Variants in PRKAA2 observed in about 807,000 individuals in gnomAD.
PRKAA2 encodes protein kinase AMP-activated catalytic subunit alpha 2.
PRKAA2 carries 40 observed loss-of-function variants against 56.3 expected under a neutral mutation model. The ratio of observed to expected loss-of-function variants is 0.71; its 90% CI spans 0.55 to 0.92. PRKAA2 has a LOEUF of 0.92. Among genes scored for constraint, PRKAA2 ranks in the 40% least tolerant of loss-of-function variants. The pLI, the probability that PRKAA2 is intolerant of heterozygous loss-of-function variation, is 0.00. For synonymous variants in PRKAA2, 214 were observed against 234.2 expected (o/e 0.91, Z 0.79); for missense variants, 542 against 686.9 (o/e 0.79, Z 2.36).
intron 6 of PRKAA2, among the ~76,000 whole-genome samples, chr1:56,696,422 C>T (rs1644259446): frequency 6.6e-6 from 1 of 152,158 alleles, no homozygotes; most frequent in African/African-American, 2.4e-5. Flanking sequence ...CATTAAAGTT[C>T]ATGCCACCCC....
rs550444662 is a variant in PRKAA2 at position 56,681,362 on chromosome 1, T to G, written c.236+6840T>G. ...CTGTGCAGAAGCTCTTTAGTTTAAT[T>G]AGATCCCATTTGTCAATTTTGGCTT... On this transcript the variant is annotated intron_variant, in intron 2 of 8. Coordinates refer to ENST00000371244, the MANE Select transcript of PRKAA2 (RefSeq NM_006252.4). Among the ~76,000 whole-genome samples the G allele has an allele frequency of 1.1e-3, 166 of 152,320 alleles. 1 individual carries two copies. The highest frequency in any genetic ancestry group is 3.6e-3 in the African/African-American group (151 of 41,578).
chr1:56,673,569 C>A (rs532871553), intron 1 of PRKAA2, among the ~76,000 whole-genome samples: 30 of 152,214 alleles, frequency 2.0e-4, no homozygotes, highest in African/African-American at 7.0e-4. Context: ...GGATTTTTCA[C>A]CTGAACAGTA....
intron 1 of PRKAA2, among the ~76,000 whole-genome samples, chr1:56,658,966 T>C (rs977357061): frequency 6.6e-6 from 1 of 150,598 alleles, no homozygotes; most frequent in Admixed American, 6.6e-5. Context: ...GGCTAATTTT[T>C]AATTTTTTTT....
At chr1:56,662,896 T>C (rs1644006218) in intron 1 of PRKAA2, among the ~76,000 whole-genome samples, 1 of 152,134 alleles carries the variant, frequency 6.6e-6, no homozygotes, top group African/African-American at 2.4e-5. Context: ...AGCATTGTCA[T>C]GGTGGAGAAG....
chr1:56,706,802 C>G (rs1324048938), intron 8 of PRKAA2, among the ~76,000 whole-genome samples: 1 of 152,162 alleles, frequency 6.6e-6, no homozygotes, highest in East Asian at 1.9e-4. Context: ...CCAGAATAAA[C>G]TAAGGGTCAG....
Position 56,706,183 on chromosome 1 carries a change from A to G in PRKAA2, c.1385A>G (p.Asn462Ser). 1 of 1,613,926 alleles carries G rather than the reference A, an allele frequency of 6.2e-7. No homozygotes were observed. Among genetic ancestry groups the G allele is most frequent in the Non-Finnish European group, 8.5e-7 (1 of 1,179,930 alleles). The change falls in exon 8 of 9, where the codon AAC (asparagine) becomes AGC (serine). Residue 462 changes from asparagine to serine, a missense_variant. Transcript: ENST00000371244. ...KMSLQLYLVD[N>S]RSYLLDFKSI... ...AGCTTACAACTTTACCTGGTTGATA[A>G]CAGGAGCTATCTTTTGGACTTTAAA...
chr1:56,702,537 A>G (rs1184978088), intron 6 of PRKAA2, among the ~76,000 whole-genome samples: 2 of 152,176 alleles, frequency 1.3e-5, no homozygotes, highest in Non-Finnish European at 2.9e-5. Context: ...ATGGCCTACA[A>G]TTCTTAGAAA....
At chr1:56,666,832 A>G (rs1204615778) in intron 1 of PRKAA2, among the ~76,000 whole-genome samples, 1 of 152,194 alleles carries the variant, frequency 6.6e-6, no homozygotes, top group East Asian at 1.9e-4. Context: ...CATTCTGATT[A>G]CCTTCTTACT....
Position 56,698,146 on chromosome 1 carries a change from G to T in PRKAA2, c.788+1987G>T, listed in dbSNP as rs1644271508. 2.0e-5 allele frequency among the ~76,000 whole-genome samples: 3 copies of T among 146,814 alleles called. No homozygotes were observed. The South Asian group carries it at 6.5e-4, about 32-fold the overall frequency. On this transcript the variant is annotated intron_variant, in intron 6 of 8. Coordinates refer to ENST00000371244, the MANE Select transcript of PRKAA2 (RefSeq NM_006252.4). ...TTACCAGGCTGGTCTTGAACTCCTG[G>T]CCTAAAGCAGTTTTCCCATCTTGGC...
intron 2 of PRKAA2, among the ~76,000 whole-genome samples, chr1:56,677,085 C>T (rs1170100608): frequency 2.0e-5 from 3 of 152,112 alleles, no homozygotes; most frequent in Admixed American, 6.6e-5. Context: ...AAAATTCCAC[C>T]CATGAGCTTG....
intron 2 of PRKAA2, among the ~76,000 whole-genome samples, chr1:56,682,586 T>C (rs116526701): frequency 6.6e-6 from 1 of 152,128 alleles, no homozygotes; most frequent in African/African-American, 2.4e-5. Flanking sequence ...ACAAAGGGAT[T>C]TGAAGGCCTT....
chr1:56,681,456 C>T (rs1393368561), intron 2 of PRKAA2, among the ~76,000 whole-genome samples: 2 of 152,122 alleles, frequency 1.3e-5, no homozygotes, highest in Non-Finnish European at 2.9e-5. Flanking sequence ...AATGGTATTG[C>T]CTAGGTTTTC....
At chr1:56,667,652 T>G (rs1308831720) in intron 1 of PRKAA2, among the ~76,000 whole-genome samples, 1 of 152,176 alleles carries the variant, frequency 6.6e-6, no homozygotes, top group Non-Finnish European at 1.5e-5. Flanking sequence ...TCCACATCTA[T>G]AAAATTTCCT....
intron 2 of PRKAA2, among the ~76,000 whole-genome samples, chr1:56,688,452 C>T (rs1229483388): frequency 1.3e-5 from 2 of 152,064 alleles, no homozygotes; most frequent in African/African-American, 2.4e-5. Flanking sequence ...AACTGAGATG[C>T]GTGGTCTGAA....
rs138611495 is a variant in PRKAA2, at chr1:56,696,118, G to T, written c.747G>T (p.Leu249=). Reference sequence around the variant, plus strand: ...TCGCCACTCTCCTGATGCATATGCTGCAGGTTGACCCACTGAAACGAGCAA... The same window carrying T: ...TCGCCACTCTCCTGATGCATATGCTTCAGGTTGACCCACTGAAACGAGCAA... The part of the protein sequence containing the change: ...RSVATLLMHM[L]QVDPLKRATI... The change falls in exon 6 of 9, where the codon CTG becomes CTT. Residue 249 remains leucine (L), a synonymous_variant. Coordinates refer to ENST00000371244, the MANE Select transcript of PRKAA2 (RefSeq NM_006252.4). The T allele has an allele frequency of 6.2e-7, 1 of 1,613,554 alleles. No individual in the cohort carries two copies. Among genetic ancestry groups the T allele is most frequent in the East Asian group, 2.2e-5 (1 of 44,860 alleles).
At chr1:56,655,260 T>TTATATACATATATATATATATATA (rs368198472) in intron 1 of PRKAA2, among the ~76,000 whole-genome samples, 5 of 71,680 alleles carry the variant, frequency 7.0e-5, no homozygotes, top group African/African-American at 2.4e-4. Flanking sequence ...ATGTATGTAT[T>TTATATACATATATATATATATATA]TATATATCTA....
intron 6 of PRKAA2, among the ~76,000 whole-genome samples, chr1:56,699,002 C>T (rs1283417798): frequency 6.6e-6 from 1 of 152,100 alleles, no homozygotes; most frequent in African/African-American, 2.4e-5. Flanking sequence ...GCACAAATCC[C>T]AGTGCATCTG....
intron 2 of PRKAA2, among the ~76,000 whole-genome samples, chr1:56,676,174 C>T (rs1165996209): frequency 6.6e-6 from 1 of 152,008 alleles, no homozygotes; most frequent in Non-Finnish European, 1.5e-5. Flanking sequence ...TTCCTAATTC[C>T]CAGAATTTGT....
At chr1:56,693,968 A>G in intron 5 of PRKAA2, 116 bp downstream of exon 5, 1 of 684,734 alleles carries the variant, frequency 1.5e-6, no homozygotes, top group Middle Eastern at 3.9e-4. Flanking sequence ...TGGATTATTC[A>G]TTTATTTTTC....
Sources: allele counts gnomAD v4.1 joint callset (sites outside exome capture counted in the v4.1 genomes callset), GRCh38; gene constraint gnomAD v4.1.1; transcripts MANE v1.5; gene names NCBI Gene and HGNC (gene_info 2026-07-23, HGNC 2026-07-21).